The following SCN2A variants were observed in gnomAD, a reference collection of about 807,000 sequenced individuals.
SCN2A encodes sodium voltage-gated channel alpha subunit 2, also known as sodium channel protein type 2 subunit alpha.
In SCN2A, 20 loss-of-function variants were observed where a neutral mutation model predicts 188.7. The ratio of observed to expected loss-of-function variants is 0.11; its 90% CI spans 0.07 to 0.15. The LOEUF (loss-of-function observed/expected upper bound fraction) is 0.15. Among genes scored for constraint, SCN2A ranks in the 10% least tolerant of loss-of-function variants. SCN2A has a pLI of 1.00. For synonymous variants in SCN2A, 804 were observed against 833.1 expected, an observed-to-expected ratio of 0.97 and a Z score of 0.60; for missense variants, 1,278 against 2,445.0, an observed-to-expected ratio of 0.52 and a Z score of 10.07.
chr2:165,336,825 A>G (rs1699026056), intron 14 of SCN2A, among the ~76,000 whole-genome samples: 1 of 152,026 alleles, frequency 6.6e-6, no homozygotes, highest in Admixed American at 6.6e-5. Flanking sequence ...GTTCTTGTAT[A>G]TATCACCTTT....
intron 11 of SCN2A, among the ~76,000 whole-genome samples, chr2:165,319,367 G>T (rs943702882): frequency 6.6e-6 from 1 of 151,940 alleles, no homozygotes; most frequent in Admixed American, 6.6e-5. Flanking sequence ...AAAAGAAGTG[G>T]TTCTTACTGT....
chr2:165,285,981 G>A (rs2106128106), intron 1 of SCN2A: 1 of 211,066 alleles, frequency 4.7e-6, no homozygotes, highest in Non-Finnish European at 1.0e-5. Flanking sequence ...GACATGCTCT[G>A]TGCCACAGAT....
At chr2:165,369,709 G>A (rs1013835657) in intron 19 of SCN2A, among the ~76,000 whole-genome samples, 1 of 152,060 alleles carries the variant, frequency 6.6e-6, no homozygotes, top group African/African-American at 2.4e-5. Flanking sequence ...AGACAAGAAA[G>A]TGAGCAATGA....
intron 22 of SCN2A, among the ~76,000 whole-genome samples, chr2:165,376,207 AATAAGT>A (rs1362936222): frequency 1.3e-5 from 2 of 151,878 alleles, no homozygotes; most frequent in East Asian, 1.9e-4. Flanking sequence ...ATCAGAAAAA[AATAAGT>A]ATAAGAAGCG....
At chr2:165,323,080 A>G in intron 11 of SCN2A, 76 bp from the exon 12 acceptor site, 1 of 1,359,024 alleles carries the variant, frequency 7.4e-7, no homozygotes, top group South Asian at 1.2e-5. Flanking sequence ...GACACAATGA[A>G]TCAAATTCTG....
At chr2:165,363,567 G>C (rs1209576214) in intron 17 of SCN2A, among the ~76,000 whole-genome samples, 1 of 152,006 alleles carries the variant, frequency 6.6e-6, no homozygotes, top group Non-Finnish European at 1.5e-5. Flanking sequence ...TCATTTTTTA[G>C]TCAATTACGT....
chr2:165,363,205 A>G (rs1026563878), intron 17 of SCN2A, among the ~76,000 whole-genome samples: 3 of 152,168 alleles, frequency 2.0e-5, no homozygotes, highest in Middle Eastern at 3.4e-3. Flanking sequence ...AGCAAAATTT[A>G]TTAAGACCTG....
At chr2:165,291,982 C>A (rs981885644) in intron 1 of SCN2A, among the ~76,000 whole-genome samples, 10 of 151,960 alleles carry the variant, frequency 6.6e-5, no homozygotes, top group African/African-American at 2.4e-4. Context: ...GAATTGAGGT[C>A]TGGAAGGTTG....
At chr2:165,250,903 G>C (rs1262766590) in intron 1 of SCN2A, among the ~76,000 whole-genome samples, 1 of 151,830 alleles carries the variant, frequency 6.6e-6, no homozygotes, top group Non-Finnish European at 1.5e-5. Context: ...TGAGATTCTG[G>C]TTTCCCAGAT....
chr2:165,346,785 A>G (rs1201094482), intron 16 of SCN2A, among the ~76,000 whole-genome samples: 5 of 152,254 alleles, frequency 3.3e-5, no homozygotes, highest in African/African-American at 1.2e-4. Flanking sequence ...GGTGAAGGAT[A>G]TGAACAGACA....
At chr2:165,350,765 G>A (rs72623151) in intron 16 of SCN2A, among the ~76,000 whole-genome samples, 31,317 of 151,438 alleles carry the variant, frequency 0.21, 3,942 homozygotes, top group East Asian at 0.34. Flanking sequence ...CACCGCGCCC[G>A]GCCTGAACTG....
rs1335520931 is a variant in SCN2A, at chr2:165,291,516, TC to T, written c.-51-4256del. On this transcript the variant is annotated intron_variant, in intron 1 of 26. Transcript: ENST00000375437. ...TTTTCTTTCTTTCTTTCTTTCTTCC[TC>T]TCCTTTCTTTCCTTCCTTCCTTCCT... Among the ~76,000 whole-genome samples, 377 of 82,662 alleles carry T rather than the reference TC, an allele frequency of 4.6e-3. 3 individuals carry two copies. Among genetic ancestry groups the T allele is most frequent in the African/African-American group, 6.6e-3 (136 of 20,506 alleles). The allele number at this position is 82,662 out of a possible 152,430, so 54.2% of individuals were successfully genotyped here.
At chr2:165,336,549 A>G (rs773199076) in intron 14 of SCN2A, among the ~76,000 whole-genome samples, 7 of 151,980 alleles carry the variant, frequency 4.6e-5, no homozygotes, top group Non-Finnish European at 1.0e-4. Flanking sequence ...AGAGACAGAA[A>G]GGAGATGAGT....
chr2:165,335,615 C>T (rs1324396712), intron 14 of SCN2A, among the ~76,000 whole-genome samples: 3 of 151,514 alleles, frequency 2.0e-5, no homozygotes, highest in Non-Finnish European at 4.4e-5. Context: ...GGTCATAGGC[C>T]TAAAGGTAGA....
chr2:165,389,838 A>G lies in SCN2A; in HGVS notation c.*14A>G. Reference sequence around the variant, plus strand: ...AGTAAAAAGTAAAAAGAAACCAAGAATTTTCCATTTTGTGATCAATTGTTT... The same window carrying G: ...AGTAAAAAGTAAAAAGAAACCAAGAGTTTTCCATTTTGTGATCAATTGTTT... On this transcript the variant is annotated 3_prime_UTR_variant, in exon 27 of 27. Transcript: ENST00000375437. The surrounding 1 kb of genome is among the most constrained non-coding windows in gnomAD (Gnocchi z 4.2). 1.3e-6 allele frequency: 2 copies of G among 1,584,682 alleles called. No individual in the cohort carries two copies. The highest frequency in any genetic ancestry group is 2.3e-5 in the South Asian group (2 of 87,798).
chr2:165,298,803 G>A lies in SCN2A; in HGVS notation c.386+1668G>A, dbSNP rs993514790. Among the ~76,000 whole-genome samples, 11 of 152,054 alleles carry A rather than the reference G, an allele frequency of 7.2e-5. No homozygotes were observed. In the East Asian group the frequency reaches 7.7e-4, roughly 11 times the overall value. On this transcript the variant is annotated intron_variant, in intron 3 of 26. Coordinates refer to ENST00000375437, the MANE Select transcript of SCN2A (RefSeq NM_001040142.2). The stretch of plus-strand genomic sequence containing the variant: ...ATAATTGTATGTTCCTTATGCAAAC[G>A]TAATTTATATATAAAATTACGTGGA...
rs773744880 is a variant in SCN2A at position 165,388,867 on chromosome 2, G to A, written c.5061G>A (p.Arg1687=). Residue 1687 remains arginine, a synonymous_variant, in exon 27 of 27, where the codon AGG becomes AGA. Coordinates refer to ENST00000375437, the MANE Select transcript of SCN2A (RefSeq NM_001040142.2). ...TGTCCAATTTTGCCTATGTTAAGAG[G>A]GAAGTTGGGATCGATGACATGTTCA... The part of the protein sequence containing the change: ...FGMSNFAYVK[R]EVGIDDMFNF... The A allele has an allele frequency of 1.2e-6, 2 of 1,614,052 alleles. No individual in the cohort carries two copies. Among genetic ancestry groups the A allele is most frequent in the South Asian group, 2.2e-5 (2 of 91,074 alleles).
intron 12 of SCN2A, 73 bp from the exon 13 acceptor site, chr2:165,326,779 C>T: frequency 6.6e-7 from 1 of 1,508,576 alleles, no homozygotes; most frequent in Non-Finnish European, 9.2e-7. Context: ...TTAAATAACA[C>T]CTGTTGTAGG....
In SCN2A at chr2:165,379,891, T is replaced by C. The variant is rs1701509538; in HGVS notation, c.4309-701T>C. 2.6e-5 allele frequency among the ~76,000 whole-genome samples: 4 copies of C among 151,848 alleles called. No homozygotes were observed. The South Asian group carries it at 8.3e-4, about 32-fold the overall frequency. Reference sequence around the variant, plus strand: ...GCTTACAGCTAAGGCGCAAACCTACTATCACACAGTTTTCTAAACAAAAGT... The same window carrying C: ...GCTTACAGCTAAGGCGCAAACCTACCATCACACAGTTTTCTAAACAAAAGT... On this transcript the variant is annotated intron_variant, in intron 23 of 26. Coordinates refer to ENST00000375437, the MANE Select transcript of SCN2A (RefSeq NM_001040142.2).
Sources: allele counts gnomAD v4.1 joint callset (sites outside exome capture counted in the v4.1 genomes callset), GRCh38; gene constraint gnomAD v4.1.1; non-coding constraint Gnocchi (gnomAD v3.1); transcripts MANE v1.5; gene names NCBI Gene and HGNC (gene_info 2026-07-23, HGNC 2026-07-21).